DCDC2: variants seen among roughly 807,000 people sequenced by gnomAD.
DCDC2 encodes doublecortin domain containing 2.
In DCDC2, 40 loss-of-function variants were observed where a neutral mutation model predicts 50.2. The ratio of observed to expected loss-of-function variants is 0.80; its 90% CI spans 0.62 to 1.04. DCDC2 has a LOEUF of 1.04. Ranked by LOEUF, DCDC2 falls within the 50% of genes least tolerant of loss-of-function variation. The probability of loss-of-function intolerance (pLI) is 0.00; values close to 1 mark genes in which losing one functional copy is unlikely to be tolerated. For missense variants in DCDC2, 570 were observed against 581.9 expected (o/e 0.98, Z 0.21); for synonymous variants, 234 against 210.6 (o/e 1.11, Z -0.96).
At chr6:24,297,708 A>C (rs1759282919) in intron 4 of DCDC2, among the ~76,000 whole-genome samples, 1 of 152,180 alleles carries the variant, frequency 6.6e-6, no homozygotes, top group Non-Finnish European at 1.5e-5. Context: ...ATATATGTAA[A>C]AAAAATTGTA....
chr6:24,212,536 T>G (rs529997476), intron 7 of DCDC2, among the ~76,000 whole-genome samples: 7 of 152,314 alleles, frequency 4.6e-5, no homozygotes, highest in African/African-American at 1.7e-4. Context: ...TTCTATTTTT[T>G]TAAGTCTTAC....
chr6:24,223,557 C>T (rs1762162028), intron 7 of DCDC2, among the ~76,000 whole-genome samples: 1 of 152,190 alleles, frequency 6.6e-6, no homozygotes, highest in Non-Finnish European at 1.5e-5. Flanking sequence ...GTGGTACACT[C>T]TAGCAAATGA....
intron 2 of DCDC2, among the ~76,000 whole-genome samples, chr6:24,340,786 C>T (rs572858560): frequency 6.6e-6 from 1 of 152,136 alleles, no homozygotes; most frequent in Non-Finnish European, 1.5e-5. Context: ...AGTGCAGTGG[C>T]AGGATCTTGG....
At chr6:24,355,792 A>G (rs567299499) in intron 1 of DCDC2, among the ~76,000 whole-genome samples, 2 of 152,352 alleles carry the variant, frequency 1.3e-5, no homozygotes, top group South Asian at 4.1e-4. Flanking sequence ...AACAAAAAGT[A>G]TAATAGAATA....
At chr6:24,328,159 G>A (rs901351999) in intron 2 of DCDC2, among the ~76,000 whole-genome samples, 1 of 152,214 alleles carries the variant, frequency 6.6e-6, no homozygotes, top group Non-Finnish European at 1.5e-5. Flanking sequence ...CATCTCCTCT[G>A]TATATACAGG....
intron 6 of DCDC2, among the ~76,000 whole-genome samples, 189 bp downstream of exon 6, chr6:24,288,663 C>G (rs976212710): frequency 6.6e-6 from 1 of 152,108 alleles, no homozygotes; most frequent in African/African-American, 2.4e-5. Context: ...AATACATATT[C>G]TAAAAAATGT....
intron 2 of DCDC2, among the ~76,000 whole-genome samples, chr6:24,309,813 A>G (rs1433005500): frequency 6.6e-6 from 1 of 152,204 alleles, no homozygotes; most frequent in Non-Finnish European, 1.5e-5. Flanking sequence ...TATACTGTTT[A>G]TAAGAGACAC....
chr6:24,198,179 A>C (rs1278599361), intron 8 of DCDC2, among the ~76,000 whole-genome samples: 1 of 152,230 alleles, frequency 6.6e-6, no homozygotes, highest in Non-Finnish European at 1.5e-5. Context: ...TAAAGGCAAG[A>C]ATATACTGGC....
chr6:24,269,446 A>C (rs1340170037), intron 7 of DCDC2, among the ~76,000 whole-genome samples: 1 of 152,234 alleles, frequency 6.6e-6, no homozygotes, highest in African/African-American at 2.4e-5. Context: ...AACCAAGGAA[A>C]ATTTATTGAT....
chr6:24,273,072 C>G (rs9467096), intron 7 of DCDC2, among the ~76,000 whole-genome samples: 1 of 151,654 alleles, frequency 6.6e-6, no homozygotes, highest in Non-Finnish European at 1.5e-5. Context: ...TATACACATA[C>G]ATATAAACAC....
chr6:24,349,809 T>C (rs1001206255), intron 2 of DCDC2, among the ~76,000 whole-genome samples: 2 of 151,470 alleles, frequency 1.3e-5, no homozygotes, highest in Non-Finnish European at 2.9e-5. Context: ...ACAAAAAGAG[T>C]ACAAGGGCAA....
At chr6:24,218,124 C>T (rs59713487) in intron 7 of DCDC2, among the ~76,000 whole-genome samples, 11,999 of 152,134 alleles carry the variant, frequency 0.079, 763 homozygotes, top group African/African-American at 0.18. Flanking sequence ...CTTTTGTACT[C>T]AGATACAAAA....
chr6:24,277,002 C>T (rs1763373012), intron 7 of DCDC2, among the ~76,000 whole-genome samples: 1 of 152,180 alleles, frequency 6.6e-6, no homozygotes, highest in African/African-American at 2.4e-5. Context: ...AACTGGTTCA[C>T]CCATTTCGCC....
At chr6:24,340,019 TC>T (rs1760126975) in intron 2 of DCDC2, among the ~76,000 whole-genome samples, 1 of 151,994 alleles carries the variant, frequency 6.6e-6, no homozygotes, top group Non-Finnish European at 1.5e-5. Flanking sequence ...TAAATAAGAG[TC>T]ACTAAGTAAA....
At chr6:24,303,300 C>T (rs1759416231) in intron 2 of DCDC2, among the ~76,000 whole-genome samples, 1 of 152,048 alleles carries the variant, frequency 6.6e-6, no homozygotes, top group South Asian at 2.1e-4. Flanking sequence ...GCAAGAACTC[C>T]CAGGGCCAAG....
intron 7 of DCDC2, among the ~76,000 whole-genome samples, chr6:24,269,318 T>G (rs1466928498): frequency 6.6e-6 from 1 of 152,192 alleles, no homozygotes; most frequent in Non-Finnish European, 1.5e-5. Flanking sequence ...TACAGAGGTC[T>G]AAGAAATGAC....
At chr6:24,219,708 A>G (rs2113773409) in intron 7 of DCDC2, among the ~76,000 whole-genome samples, 1 of 152,326 alleles carries the variant, frequency 6.6e-6, no homozygotes, top group Admixed American at 6.5e-5. Context: ...ATCACCAACC[A>G]CGTTAAAATT....
chr6:24,255,371 A>G (rs1431281728), intron 7 of DCDC2, among the ~76,000 whole-genome samples: 2 of 77,318 alleles, frequency 2.6e-5, no homozygotes, highest in East Asian at 3.2e-4. Flanking sequence ...CATAGCACTG[A>G]AAAAAAAAAA....
chr6:24,353,887 C>G (rs1350200588), intron 1 of DCDC2, among the ~76,000 whole-genome samples: 1 of 152,184 alleles, frequency 6.6e-6, no homozygotes, highest in Admixed American at 6.5e-5. Flanking sequence ...ATTTTTCCCT[C>G]TTAATAGTTA....
Sources: gnomAD v4.1 joint callset for allele counts (sites outside exome capture counted in the v4.1 genomes callset) on GRCh38, gnomAD v4.1.1 for gene constraint, MANE v1.5 for transcripts, NCBI Gene and HGNC (gene_info 2026-07-23, HGNC 2026-07-21) for gene names.